DGKI: variants seen among roughly 807,000 people sequenced by gnomAD.
The protein encoded by DGKI is DAG kinase iota.
Under a neutral mutation model 147.5 loss-of-function variants are expected in DGKI, and 55 were observed. That is an observed-to-expected ratio of 0.37 (90% CI 0.30 to 0.47). DGKI has a LOEUF of 0.47. Ranked by LOEUF, DGKI falls within the 20% of genes least tolerant of loss-of-function variation. The probability of loss-of-function intolerance (pLI) is 1.00; values close to 1 mark genes in which losing one functional copy is unlikely to be tolerated. For missense variants in DGKI, 1,007 were observed against 1,323.8 expected (o/e 0.76, Z 3.71); for synonymous variants, 469 against 477.1 (o/e 0.98, Z 0.22).
chr7:137,534,847 A>T (rs1356387109), intron 20 of DGKI, among the ~76,000 whole-genome samples: 5 of 152,136 alleles, frequency 3.3e-5, no homozygotes, highest in African/African-American at 1.2e-4. Context: ...ATGTGACTGT[A>T]TTTGGAAACA....
At chr7:137,521,828 GCTGA>G (rs1316075028) in intron 21 of DGKI, 34 bp downstream of exon 21, 2 of 1,425,668 alleles carry the variant, frequency 1.4e-6, no homozygotes, top group South Asian at 2.3e-5. Flanking sequence ...CTGAAGATAG[GCTGA>G]TCGCATGAAA....
chr7:137,411,378 T>C (rs116598558), intron 29 of DGKI, among the ~76,000 whole-genome samples: 2,999 of 152,264 alleles, frequency 0.02, 90 homozygotes, highest in African/African-American at 0.068. Flanking sequence ...AAAACACAGA[T>C]CTACACTATC....
At chr7:137,494,042 T>C (rs925738291) in intron 21 of DGKI, among the ~76,000 whole-genome samples, 3 of 152,142 alleles carry the variant, frequency 2.0e-5, no homozygotes, top group African/African-American at 7.2e-5. Flanking sequence ...CTGCAAGTTA[T>C]TAACAGCAGA....
chr7:137,558,429 A>G (rs1818300493), intron 19 of DGKI, among the ~76,000 whole-genome samples: 1 of 152,146 alleles, frequency 6.6e-6, no homozygotes, highest in Non-Finnish European at 1.5e-5. Flanking sequence ...GCACGCCACC[A>G]TGTGCAGCTA....
intron 20 of DGKI, among the ~76,000 whole-genome samples, chr7:137,523,844 G>A (rs1269435002): frequency 6.8e-6 from 1 of 146,246 alleles, no homozygotes; most frequent in Non-Finnish European, 1.5e-5. Context: ...ATCATTTACA[G>A]GTAGGGAAAC....
intron 1 of DGKI, among the ~76,000 whole-genome samples, chr7:137,704,595 G>T (rs1585390042): frequency 6.6e-6 from 1 of 152,102 alleles, no homozygotes; most frequent in South Asian, 2.1e-4. Flanking sequence ...GGGGCAAAAA[G>T]AATATTTAAA....
intron 19 of DGKI, 127 bp from the exon 20 acceptor site, chr7:137,552,695 G>T: frequency 1.1e-6 from 1 of 896,062 alleles, no homozygotes; most frequent in Non-Finnish European, 1.7e-6. Context: ...GATCACCGGT[G>T]GTCAGGAGTT....
intron 28 of DGKI, among the ~76,000 whole-genome samples, chr7:137,418,674 A>G (rs538571099): frequency 2.6e-5 from 4 of 152,312 alleles, no homozygotes; most frequent in African/African-American, 9.6e-5. Flanking sequence ...ATAATATCCT[A>G]TTACCACATT....
At chr7:137,408,137 G>A (rs1812026727) in intron 29 of DGKI, 142 bp from the exon 30 acceptor site, 4 of 949,200 alleles carry the variant, frequency 4.2e-6, no homozygotes, top group Non-Finnish European at 6.2e-6. Flanking sequence ...AAAAGGTGAA[G>A]TAACATTCCT....
chr7:137,678,952 T>C (rs1401644820), intron 2 of DGKI, among the ~76,000 whole-genome samples: 1 of 152,198 alleles, frequency 6.6e-6, no homozygotes, highest in African/African-American at 2.4e-5. Flanking sequence ...CTCTAAATAG[T>C]TCGATGTCAA....
At chr7:137,567,772 A>T (rs558017704) in intron 19 of DGKI, among the ~76,000 whole-genome samples, 2 of 152,346 alleles carry the variant, frequency 1.3e-5, no homozygotes, top group East Asian at 3.8e-4. Flanking sequence ...TCATTTTTTT[A>T]AATAATATAC....
At chr7:137,733,038 T>C (rs1307549189) in intron 1 of DGKI, among the ~76,000 whole-genome samples, 1 of 152,082 alleles carries the variant, frequency 6.6e-6, no homozygotes, top group African/African-American at 2.4e-5. Flanking sequence ...GTCCTTATCT[T>C]AATTACTACG....
intron 2 of DGKI, among the ~76,000 whole-genome samples, chr7:137,688,170 C>T (rs1349490628): frequency 6.6e-6 from 1 of 152,160 alleles, no homozygotes; most frequent in Non-Finnish European, 1.5e-5. Context: ...GTCCTCATTT[C>T]CCTGTATTTT....
At chr7:137,625,017 G>C (rs1563118412) in intron 6 of DGKI, among the ~76,000 whole-genome samples, 1 of 152,160 alleles carries the variant, frequency 6.6e-6, no homozygotes, top group East Asian at 1.9e-4. Flanking sequence ...GCTCCAACCT[G>C]AACTACCACT....
At chr7:137,654,532 T>C (rs1563134255) in intron 5 of DGKI, among the ~76,000 whole-genome samples, 200 bp downstream of exon 5, 1 of 152,260 alleles carries the variant, frequency 6.6e-6, no homozygotes, top group Non-Finnish European at 1.5e-5. Flanking sequence ...CAGTACATTT[T>C]ATGAGAATAA....
intron 23 of DGKI, among the ~76,000 whole-genome samples, chr7:137,474,749 C>A (rs982028151): frequency 1.3e-5 from 2 of 152,048 alleles, no homozygotes. Flanking sequence ...AAAAACAAGG[C>A]GAGAGATTGT....
At chr7:137,471,304 G>A (rs1487930838) in intron 23 of DGKI, among the ~76,000 whole-genome samples, 2 of 152,176 alleles carry the variant, frequency 1.3e-5, no homozygotes, top group East Asian at 3.9e-4. Flanking sequence ...GGCTGTGCAG[G>A]CAGCAATAAA....
chr7:137,550,448 T>C (rs1461191463), intron 20 of DGKI, among the ~76,000 whole-genome samples: 1 of 152,190 alleles, frequency 6.6e-6, no homozygotes, highest in Non-Finnish European at 1.5e-5. Flanking sequence ...AGTGCTGGGA[T>C]TACAGGTGTG....
At chr7:137,479,071 CA>C (rs1255147007) in intron 23 of DGKI, among the ~76,000 whole-genome samples, 1 of 152,170 alleles carries the variant, frequency 6.6e-6, no homozygotes, top group Admixed American at 6.5e-5. Flanking sequence ...CCAGTCCTCT[CA>C]AATTGCATGA....
Sources: allele counts gnomAD v4.1 joint callset (sites outside exome capture counted in the v4.1 genomes callset), GRCh38; gene constraint gnomAD v4.1.1; transcripts MANE v1.5; gene names NCBI Gene and HGNC (gene_info 2026-07-23, HGNC 2026-07-21).